NUP210L: variants seen among roughly 807,000 people sequenced by gnomAD.
NUP210L encodes the protein nuclear pore membrane glycoprotein 210-like.
In NUP210L, 74 loss-of-function variants were observed where a neutral mutation model predicts 208.5. That is an observed-to-expected ratio of 0.35 (90% confidence interval 0.29 to 0.43). The LOEUF (loss-of-function observed/expected upper bound fraction) is 0.43. Ranked by LOEUF, NUP210L falls within the 20% of genes least tolerant of loss-of-function variation. The pLI, the probability that NUP210L is intolerant of heterozygous loss-of-function variation, is 1.00. For synonymous variants in NUP210L, 780 were observed against 816.9 expected (o/e 0.95, Z 0.77); for missense variants, 1,843 against 2,289.4 (o/e 0.81, Z 3.98).
chr1:154,043,068 G>A (rs1652981377), intron 27 of NUP210L, among the ~76,000 whole-genome samples: 1 of 147,626 alleles, frequency 6.8e-6, no homozygotes, highest in African/African-American at 2.5e-5. Flanking sequence ...TCCCCAGGCA[G>A]GAGTCAAGTG....
rs1394946187 is a variant in NUP210L at position 154,057,230 on chromosome 1, A to G, written c.3108-283T>C. 2.0e-5 allele frequency among the ~76,000 whole-genome samples: 3 copies of G among 152,130 alleles called. No homozygotes were observed. In the East Asian group the frequency reaches 5.8e-4, roughly 29 times the overall value. On this transcript the variant is annotated intron_variant, in intron 22 of 39. Transcript: ENST00000368559. ...TGGATTCAAGCAATCCTCCTGCCACAGCCTCCCATCATGCTGGGATTGCAG... is the reference window on the plus strand; with the variant it reads ...TGGATTCAAGCAATCCTCCTGCCACGGCCTCCCATCATGCTGGGATTGCAG...
intron 16 of NUP210L, among the ~76,000 whole-genome samples, chr1:154,081,098 C>T (rs1246410374): frequency 2.6e-5 from 4 of 151,332 alleles, no homozygotes; most frequent in African/African-American, 7.3e-5. Context: ...TAATGCCTAC[C>T]TTATCAGTAA....
intron 27 of NUP210L, among the ~76,000 whole-genome samples, chr1:154,039,354 C>T (rs918513944): frequency 6.6e-6 from 1 of 151,934 alleles, no homozygotes; most frequent in Non-Finnish European, 1.5e-5. Context: ...CTGCCTCAGC[C>T]TCCTGACTAG....
chr1:154,143,892 G>A (rs544760755), intron 2 of NUP210L, among the ~76,000 whole-genome samples: 38 of 152,016 alleles, frequency 2.5e-4, no homozygotes, highest in Admixed American at 1.1e-3. Flanking sequence ...TTAAAATAGC[G>A]AATAATAGGT....
At chr1:154,112,053 G>A (rs1054646611) in intron 12 of NUP210L, among the ~76,000 whole-genome samples, 3 of 151,286 alleles carry the variant, frequency 2.0e-5, no homozygotes, top group Non-Finnish European at 4.4e-5. Context: ...TCAACCTCCC[G>A]AGTAGCTGGG....
chr1:154,046,457 G>T, intron 25 of NUP210L, 88 bp from the exon 26 acceptor site: 1 of 1,089,450 alleles, frequency 9.2e-7, no homozygotes, highest in South Asian at 1.3e-5. Context: ...GTTTGCTATT[G>T]TTTTTAACAT....
intron 17 of NUP210L, among the ~76,000 whole-genome samples, chr1:154,065,888 G>C (rs1425154199): frequency 4.1e-5 from 3 of 74,042 alleles, no homozygotes; most frequent in Non-Finnish European, 6.5e-5. Context: ...GTGAGACTCT[G>C]TCTCAAAAAA....
chr1:154,131,611 T>C (rs1658258140), intron 7 of NUP210L, among the ~76,000 whole-genome samples: 1 of 152,096 alleles, frequency 6.6e-6, no homozygotes, highest in African/African-American at 2.4e-5. Flanking sequence ...AACTTATTTG[T>C]TTTTGTCCTT....
chr1:154,126,716 AATTTTTACC>A (rs1469727886), intron 9 of NUP210L, among the ~76,000 whole-genome samples: 3 of 152,188 alleles, frequency 2.0e-5, no homozygotes, highest in African/African-American at 7.2e-5. Flanking sequence ...ATTTTAGTGT[AATTTTTACC>A]ATTTTATAAA....
chr1:154,101,039 G>A (rs548756066), intron 13 of NUP210L, among the ~76,000 whole-genome samples: 4 of 151,620 alleles, frequency 2.6e-5, no homozygotes, highest in Admixed American at 6.6e-5. Flanking sequence ...AGGTGTGGCG[G>A]TGCATACCTG....
intron 3 of NUP210L, among the ~76,000 whole-genome samples, 194 bp downstream of exon 3, chr1:154,143,252 A>T (rs1658948989): frequency 6.6e-6 from 1 of 152,136 alleles, no homozygotes; most frequent in South Asian, 2.1e-4. Flanking sequence ...CAATAGCAGG[A>T]ATATTTTATG....
At chr1:154,055,135 CT>C (rs1279974747) in intron 23 of NUP210L, among the ~76,000 whole-genome samples, 2 of 70,544 alleles carry the variant, frequency 2.8e-5, no homozygotes, top group Non-Finnish European at 5.2e-5. Flanking sequence ...TTCTTTCTTT[CT>C]TTCTTTCTTT....
At chr1:154,054,793 G>A (rs772956067) in exon 24 of NUP210L, 2 of 1,613,334 alleles carry the variant, frequency 1.2e-6, no homozygotes, top group Non-Finnish European at 1.7e-6. Context: ...ATTGGAATCA[G>A]TGTCATTTTC....
At chr1:154,126,865 G>C (rs1436195538) in intron 9 of NUP210L, among the ~76,000 whole-genome samples, 1 of 151,912 alleles carries the variant, frequency 6.6e-6, no homozygotes, top group Non-Finnish European at 1.5e-5. Context: ...GTAGAATGAG[G>C]ACACCTTCCA....
chr1:154,101,072 T>C (rs1656446276), intron 13 of NUP210L, among the ~76,000 whole-genome samples: 1 of 147,162 alleles, frequency 6.8e-6, no homozygotes, highest in South Asian at 2.1e-4. Context: ...CTCAGGAGGC[T>C]GAGGCAGGAG....
In NUP210L at chr1:154,054,329, T is replaced by C. The variant is rs780586780; in HGVS notation, c.3382A>G (p.Arg1128Gly). The change falls in exon 25 of 40, where the codon AGG becomes GGG. Residue 1128 changes from arginine to glycine, a missense_variant. This residue lies in a region of NUP210L where 781 missense variants were observed against 973.8 expected (regional missense o/e 0.80). Coordinates refer to ENST00000368559, the Ensembl canonical transcript of NUP210L. ...ATCTTCCCTGTAACTTGCCCCCTCC[T>C]ATTAACAACAGCCACGGTCTGATTA... 104 of 1,614,076 alleles carry C rather than the reference T, an allele frequency of 6.4e-5. 1 individual carries two copies. The East Asian group carries it at 2.3e-3, about 36-fold the overall frequency.
In NUP210L at chr1:154,125,772, T is replaced by G. The variant is rs1214785540; in HGVS notation, c.1326+551A>C. 3.9e-5 allele frequency among the ~76,000 whole-genome samples: 2 copies of G among 51,206 alleles called. 1 individual carries two copies. The highest frequency in any genetic ancestry group is 1.2e-4 in the African/African-American group (2 of 16,254). 33.6% of individuals were successfully genotyped at this position (51,206 alleles called of 152,430 possible). On this transcript the variant is annotated intron_variant, in intron 10 of 39. Transcript: ENST00000368559. ...GAAATGTTTTTTTTTTTTTTTTTTT[T>G]TTTTTTTTTTTTTGAGACGGAGTCT... is the stretch of plus-strand genomic sequence containing the variant.
intron 38 of NUP210L, among the ~76,000 whole-genome samples, chr1:153,994,634 C>T (rs538292698): frequency 2.0e-5 from 3 of 151,970 alleles, no homozygotes; most frequent in Admixed American, 6.6e-5. Flanking sequence ...TAATCCACCA[C>T]GTTACTAGGA....
intron 15 of NUP210L, among the ~76,000 whole-genome samples, chr1:154,090,772 T>C (rs1183284235): frequency 6.6e-6 from 1 of 150,960 alleles, no homozygotes; most frequent in Admixed American, 6.6e-5. Flanking sequence ...GATCATACCA[T>C]TGCACTCCAG....
Sources: allele counts gnomAD v4.1 joint callset (sites outside exome capture counted in the v4.1 genomes callset), GRCh38; gene constraint gnomAD v4.1.1; regional missense constraint gnomAD v4.1.1; transcripts MANE v1.5; gene names NCBI Gene and HGNC (gene_info 2026-07-23, HGNC 2026-07-21).